ZNF606: variants seen among roughly 807,000 people sequenced by gnomAD.
ZNF606 encodes zinc finger protein 606, also known as zinc finger protein 328.
A neutral mutation model predicts 74.9 loss-of-function variants in ZNF606; 37 were observed. The observed-to-expected ratio is 0.49, with a 90% CI of 0.38 to 0.65. ZNF606 has a LOEUF of 0.65. Among genes scored for constraint, ZNF606 ranks in the 30% least tolerant of loss-of-function variants. ZNF606 has a pLI of 0.00. For missense variants in ZNF606, 852 were observed against 952.9 expected (o/e 0.89, Z 1.39); for synonymous variants, 328 against 312.4 (o/e 1.05, Z -0.53).
At chr19:57,991,470 T>C (rs2073259228) in intron 4 of ZNF606, among the ~76,000 whole-genome samples, 1 of 152,222 alleles carries the variant, frequency 6.6e-6, no homozygotes, top group Non-Finnish European at 1.5e-5. Context: ...TGATGACTAC[T>C]GTTTCTACAT....
chr19:58,001,857 T>C (rs2073435726), intron 1 of ZNF606, among the ~76,000 whole-genome samples: 1 of 152,224 alleles, frequency 6.6e-6, no homozygotes, highest in South Asian at 2.1e-4. Flanking sequence ...CACTTTTAAG[T>C]GCTTAAAGTG....
chr19:57,992,328 G>C (rs2073273175), intron 4 of ZNF606, among the ~76,000 whole-genome samples: 1 of 152,138 alleles, frequency 6.6e-6, no homozygotes, highest in South Asian at 2.1e-4. Context: ...TGTGCCCACT[G>C]ATGCAATGCA....
chr19:57,985,930 T>C (rs775422946), intron 6 of ZNF606, among the ~76,000 whole-genome samples: 5 of 149,608 alleles, frequency 3.3e-5, no homozygotes, highest in Non-Finnish European at 7.4e-5. Context: ...CAAGAGTCTG[T>C]CTCAATAAAT....
In ZNF606 at chr19:57,988,237, C is replaced by A; in HGVS notation, c.370G>T (p.Glu124Ter). 6.2e-7 allele frequency: 1 copy of A among 1,614,066 alleles called. No homozygotes were observed. The highest frequency in any genetic ancestry group is 8.5e-7 in the Non-Finnish European group (1 of 1,180,006). ...LEQGEEPWSV[E>*]QACPQRTCPE... ...CAAGTGCGTTGAGGACATGCCTGCT[C>A]CACTGACCACGGCTCTTCTCCTTGC... The change falls in exon 6 of 7, where the codon GAG (glutamate) becomes TAG (stop). Residue 124 changes from glutamate to a stop codon, truncating the protein, a stop_gained. Transcript: ENST00000551380. LOFTEE classifies it high-confidence loss of function.
chr19:57,987,101 A>G (rs1434945472), intron 6 of ZNF606, among the ~76,000 whole-genome samples: 2 of 152,140 alleles, frequency 1.3e-5, no homozygotes, highest in Non-Finnish European at 2.9e-5. Context: ...AAAGATGTTA[A>G]TTGTAATCCC....
rs1031375391 is a variant in ZNF606, at chr19:57,977,375, A to G, written c.*926T>C. On this transcript the variant is annotated 3_prime_UTR_variant, in exon 7 of 7. Transcript: ENST00000551380. The stretch of plus-strand genomic sequence containing the variant: ...AAAGAAAGCCCAGCACATAAGTGTT[A>G]TATGTATTTGTAAAACTTTTTAAAA... The G allele has an allele frequency of 6.6e-6, 1 of 152,236 alleles. No homozygotes were observed. Among genetic ancestry groups the G allele is most frequent in the African/African-American group, 2.4e-5 (1 of 41,464 alleles). 9.4% of individuals were successfully genotyped at this position (152,236 alleles called of 1,614,324 possible).
intron 6 of ZNF606, among the ~76,000 whole-genome samples, chr19:57,987,542 C>T (rs933780254): frequency 3.3e-5 from 5 of 152,040 alleles, no homozygotes; most frequent in Non-Finnish European, 7.4e-5. Context: ...AGAACAAAAG[C>T]CCAAGCCGGG....
chr19:57,985,623 G>GCATA (rs1001757377), intron 6 of ZNF606, among the ~76,000 whole-genome samples: 1 of 152,022 alleles, frequency 6.6e-6, no homozygotes, highest in African/African-American at 2.4e-5. Context: ...AAGGCTACAT[G>GCATA]CATACCCATA....
intron 6 of ZNF606, among the ~76,000 whole-genome samples, chr19:57,984,292 G>C (rs8105738): frequency 0.67 from 102,070 of 152,118 alleles, 34,551 homozygotes; most frequent in Middle Eastern, 0.73. Context: ...AAGGAGACAG[G>C]TGAGATGCTT....
chr19:57,991,683 G>A (rs1298215390), intron 4 of ZNF606, among the ~76,000 whole-genome samples: 2 of 151,982 alleles, frequency 1.3e-5, no homozygotes, highest in African/African-American at 4.8e-5. Context: ...GTGAGGCTGA[G>A]GAATGAGAAT....
chr19:58,001,250 T>A, intron 2 of ZNF606, 39 bp downstream of exon 2: 1 of 1,610,818 alleles, frequency 6.2e-7, no homozygotes, highest in Non-Finnish European at 8.5e-7. Flanking sequence ...CAGCAGCTAA[T>A]GATAGGGGAG....
chr19:57,983,046 T>C (rs1269086375), intron 6 of ZNF606, among the ~76,000 whole-genome samples: 4 of 152,202 alleles, frequency 2.6e-5, no homozygotes, highest in Non-Finnish European at 5.9e-5. Flanking sequence ...TTCATATAGA[T>C]TTTTAAATCC....
In ZNF606 at chr19:57,980,029, T is replaced by C. The variant is rs946170929; in HGVS notation, c.651A>G (p.Ala217=). Residue 217 remains alanine, a synonymous_variant, in exon 7 of 7, where the codon GCA becomes GCG. Coordinates refer to ENST00000551380, the MANE Select transcript of ZNF606 (RefSeq NM_001348022.3). The part of the protein sequence containing the change: ...QRSSEFCGLG[A]EFSQNLNFVP... ...CAAAGTTTAAGTTCTGGCTAAACTC[T>C]GCCCCAAGTCCACAGAATTCAGAGC... 3.7e-6 allele frequency: 6 copies of C among 1,613,510 alleles called. No homozygotes were observed. The African/African-American group carries it at 8.0e-5, about 22-fold the overall frequency.
chr19:58,002,168 G>A, intron 1 of ZNF606: 1 of 456,782 alleles, frequency 2.2e-6, no homozygotes, highest in Non-Finnish European at 4.4e-6. Context: ...CGCCGTCACT[G>A]CATGTTTAAG....
intron 4 of ZNF606, among the ~76,000 whole-genome samples, chr19:57,995,125 G>A (rs1318775108): frequency 6.6e-6 from 1 of 150,542 alleles, no homozygotes; most frequent in African/African-American, 2.5e-5. Flanking sequence ...CGCGAGGCAA[G>A]GTTGCAGTGA....
intron 1 of ZNF606, chr19:58,001,960 G>C (rs1304583284): frequency 2.9e-6 from 1 of 350,068 alleles, no homozygotes; most frequent in East Asian, 7.5e-5. Context: ...GGAGGACTTA[G>C]AGATGGGCCT....
chr19:57,989,110 G>T (rs2073211820), intron 4 of ZNF606, among the ~76,000 whole-genome samples: 1 of 152,186 alleles, frequency 6.6e-6, no homozygotes, highest in African/African-American at 2.4e-5. Flanking sequence ...GAGACCTTGA[G>T]GATGGAGTCT....
intron 3 of ZNF606, chr19:58,000,437 G>C (rs1345822096): frequency 1.7e-6 from 1 of 602,834 alleles, no homozygotes; most frequent in East Asian, 2.9e-5. Flanking sequence ...GTGTTAGCCA[G>C]GATGGTCTCG....
intron 4 of ZNF606, among the ~76,000 whole-genome samples, chr19:57,995,764 A>G (rs2073330809): frequency 6.6e-6 from 1 of 152,088 alleles, no homozygotes; most frequent in Non-Finnish European, 1.5e-5. Context: ...GACTGCAGTG[A>G]GCTGAGATCA....
Sources: allele counts gnomAD v4.1 joint callset (sites outside exome capture counted in the v4.1 genomes callset), GRCh38; gene constraint gnomAD v4.1.1; transcripts MANE v1.5; gene names NCBI Gene and HGNC (gene_info 2026-07-23, HGNC 2026-07-21).